TMEM117: variants seen among roughly 807,000 people sequenced by gnomAD.
The protein encoded by TMEM117 is transmembrane protein 117.
TMEM117 carries 27 observed loss-of-function variants against 52.4 expected under a neutral mutation model. The ratio of observed to expected loss-of-function variants is 0.51; its 90% CI spans 0.38 to 0.71. TMEM117 has a LOEUF of 0.71. Among genes scored for constraint, TMEM117 ranks in the 30% least tolerant of loss-of-function variants. TMEM117 has a pLI of 0.00. For missense variants in TMEM117, 556 were observed against 630.5 expected (o/e 0.88, Z 1.26); for synonymous variants, 215 against 206.3 (o/e 1.04, Z -0.36).
At chr12:44,391,274 A>T (rs1033669556), downstream of TMEM117, among the ~76,000 whole-genome samples, 1 of 152,162 alleles carries the variant, frequency 6.6e-6, no homozygotes, top group African/African-American at 2.4e-5. Flanking sequence ...ATATACACTT[A>T]GACATAAATC....
chr12:43,806,312 G>A, the TMEM117 span: 11 of 1,412,574 alleles, frequency 7.8e-6, no homozygotes, highest in Non-Finnish European at 1.0e-5. Flanking sequence ...GCGGCCCCAG[G>A]AAGTGGCTGC....
At chr12:43,991,007 A>G (rs1261914700) in intron 3 of TMEM117, among the ~76,000 whole-genome samples, 2 of 152,194 alleles carry the variant, frequency 1.3e-5, no homozygotes, top group African/African-American at 4.8e-5. Flanking sequence ...TTAGGTTTTC[A>G]GGGAAATATG....
At chr12:44,201,362 A>G (rs1949493754) in intron 4 of TMEM117, among the ~76,000 whole-genome samples, 1 of 152,230 alleles carries the variant, frequency 6.6e-6, no homozygotes, top group Non-Finnish European at 1.5e-5. Context: ...GACATAGAGG[A>G]CAGAGAAAAC....
intron 4 of TMEM117, 61 bp from the exon 5 acceptor site, chr12:44,211,229 A>T: frequency 9.2e-7 from 1 of 1,083,898 alleles, no homozygotes; most frequent in Non-Finnish European, 1.4e-6. Flanking sequence ...TTATAGGCTT[A>T]TAGTTAAATC....
rs534479303 is a variant in TMEM117, at chr12:44,170,065, A to C, written c.510+26441A>C. Among the ~76,000 whole-genome samples the C allele has an allele frequency of 2.2e-4, 34 of 152,168 alleles. 1 individual carries two copies. The Middle Eastern group carries it at 0.01, about 46-fold the overall frequency. ...AACCCAAATGCCCATCAATGATAGA[A>C]TGGATTAAGAAAATGTGGCACATAT... On this transcript the variant is annotated intron_variant, in intron 4 of 7. Coordinates refer to ENST00000266534, the MANE Select transcript of TMEM117 (RefSeq NM_032256.3).
At position 44,385,330 on chromosome 12, in the gene TMEM117, C is replaced by T. The variant is rs1253502878; in HGVS notation, c.899-2696C>T. On this transcript the variant is annotated intron_variant, in intron 7 of 7. Coordinates refer to ENST00000266534, the MANE Select transcript of TMEM117 (RefSeq NM_032256.3). ...ACATGAGAAATAATAAAAAGTGATC[C>T]TTGGGTGTGCAAGTTTAGTGGTCAA... 2.0e-5 allele frequency among the ~76,000 whole-genome samples: 3 copies of T among 152,082 alleles called. No individual in the cohort carries two copies. In the South Asian group the frequency reaches 6.2e-4, roughly 31 times the overall value.
At chr12:43,814,078 A>C in the TMEM117 span, among the ~76,000 whole-genome samples, 1 of 152,166 alleles carries the variant, frequency 6.6e-6, no homozygotes, top group Admixed American at 6.6e-5. Context: ...TCTGTTCTAC[A>C]GCTCTGGTCT....
intron 7 of TMEM117, among the ~76,000 whole-genome samples, chr12:44,379,687 A>G (rs970971712): frequency 4.6e-5 from 7 of 152,312 alleles, no homozygotes; most frequent in African/African-American, 1.4e-4. Flanking sequence ...AAAACTAGGT[A>G]AAATTTCCAA....
At chr12:43,893,370 T>A (rs1324633660) in intron 2 of TMEM117, among the ~76,000 whole-genome samples, 1 of 152,220 alleles carries the variant, frequency 6.6e-6, no homozygotes, top group Non-Finnish European at 1.5e-5. Context: ...GAGGATATTA[T>A]GACACTTTAG....
intron 3 of TMEM117, among the ~76,000 whole-genome samples, chr12:44,123,240 T>TG (rs202230291): frequency 1.3e-4 from 19 of 143,092 alleles, no homozygotes; most frequent in South Asian, 6.4e-4. Flanking sequence ...TACTTTTTAA[T>TG]GGGGTTTTTT....
chr12:43,969,521 C>CAA (rs140620082), intron 3 of TMEM117, among the ~76,000 whole-genome samples: 3 of 144,322 alleles, frequency 2.1e-5, no homozygotes, highest in Admixed American at 6.9e-5. Flanking sequence ...GACTCTGTAT[C>CAA]AAAAAAATAA....
rs199578207 is a variant in TMEM117, at chr12:43,946,390, T to C, written c.410+2048T>C. Among the ~76,000 whole-genome samples, 946 of 24,728 alleles carry C rather than the reference T, an allele frequency of 0.038. 56 individuals carry two copies. The East Asian group carries it at 0.4, about 11-fold the overall frequency. The allele number at this position is 24,728 out of a possible 152,430, so 16.2% of individuals were successfully genotyped here. A position where few individuals can be genotyped will look rare whatever the true frequency, so the allele number is the denominator to read the frequency against. ...TTGATATAATTCTGTTTTTTTTTTT[T>C]TTTTGTTTGTTTTTTTATCTAGAGC... is the stretch of plus-strand genomic sequence containing the variant. On this transcript the variant is annotated intron_variant, in intron 3 of 7. Transcript: ENST00000266534.
chr12:43,808,812 GAAAAAAAAAA>G, the TMEM117 span, among the ~76,000 whole-genome samples: 1 of 80,820 alleles, frequency 1.2e-5, no homozygotes, highest in African/African-American at 4.5e-5. Flanking sequence ...TCAAAGGGGA[GAAAAAAAAAA>G]AAAAAAAAAA....
chr12:44,238,523 A>T (rs566343610), intron 5 of TMEM117, among the ~76,000 whole-genome samples: 4 of 152,126 alleles, frequency 2.6e-5, no homozygotes, highest in Non-Finnish European at 5.9e-5. Flanking sequence ...GCTACTTGGG[A>T]GGGTGAGGCG....
At chr12:43,921,642 AAATTT>A (rs1565752230) in intron 2 of TMEM117, among the ~76,000 whole-genome samples, 1 of 152,154 alleles carries the variant, frequency 6.6e-6, no homozygotes, top group Non-Finnish European at 1.5e-5. Context: ...CTCATATATT[AAATTT>A]GTTATACAAC....
chr12:43,968,257 C>A (rs948298782), intron 3 of TMEM117, among the ~76,000 whole-genome samples: 1 of 152,190 alleles, frequency 6.6e-6, no homozygotes, highest in African/African-American at 2.4e-5. Context: ...AACATCCTTA[C>A]CGTAAACAGA....
intron 3 of TMEM117, among the ~76,000 whole-genome samples, chr12:44,122,501 C>T (rs1423435882): frequency 6.6e-6 from 1 of 151,980 alleles, no homozygotes; most frequent in Non-Finnish European, 1.5e-5. Context: ...ACAGATCATC[C>T]CATCACTCAG....
At position 44,387,932 on chromosome 12, in the gene TMEM117, G is replaced by A. The variant is rs1477135036; in HGVS notation, c.899-94G>A. The A allele has an allele frequency of 2.7e-6, 3 of 1,096,268 alleles. No homozygotes were observed. In the East Asian group the frequency reaches 7.3e-5, roughly 27 times the overall value. 67.9% of individuals were successfully genotyped at this position (1,096,268 alleles called of 1,614,324 possible). On this transcript the variant is annotated intron_variant, in intron 7 of 7. Transcript: ENST00000266534. ...TAACCAGTCTGAAACATTAACAATT[G>A]ATGTTATTATACCATTATCCTCATT...
intron 6 of TMEM117, among the ~76,000 whole-genome samples, chr12:44,300,162 A>G (rs1643432): frequency 0.26 from 39,859 of 152,158 alleles, 8,780 homozygotes; most frequent in African/African-American, 0.61. Flanking sequence ...AGTTGAAATG[A>G]AGTGATGTAA....
Sources: gnomAD v4.1 joint callset for allele counts (sites outside exome capture counted in the v4.1 genomes callset) on GRCh38, gnomAD v4.1.1 for gene constraint, MANE v1.5 for transcripts, NCBI Gene and HGNC (gene_info 2026-07-23, HGNC 2026-07-21) for gene names.